The following FRS2 variants were observed in gnomAD, a reference collection of about 807,000 sequenced individuals.
FRS2 encodes the protein fibroblast growth factor receptor substrate 2.
FRS2 carries 8 observed loss-of-function variants against 43.9 expected under a neutral mutation model. That is an observed-to-expected ratio of 0.18 (90% CI 0.11 to 0.33). FRS2 has a LOEUF of 0.33. Among genes scored for constraint, FRS2 ranks in the 10% least tolerant of loss-of-function variants. The pLI, the probability that FRS2 is intolerant of heterozygous loss-of-function variation, is 1.00. For missense variants in FRS2, 534 were observed against 627.6 expected (o/e 0.85, Z 1.59); for synonymous variants, 219 against 220.3 (o/e 0.99, Z 0.05).
chr12:69,537,199 A>G (rs1349564951), intron 3 of FRS2, among the ~76,000 whole-genome samples: 2 of 152,194 alleles, frequency 1.3e-5, no homozygotes, highest in Non-Finnish European at 1.5e-5. Context: ...GTTTTGGCAT[A>G]TTCTTCTTAT....
chr12:69,557,025 G>A (rs1256346076), intron 3 of FRS2, among the ~76,000 whole-genome samples: 1 of 152,142 alleles, frequency 6.6e-6, no homozygotes, highest in Non-Finnish European at 1.5e-5. Flanking sequence ...GAACAACTTG[G>A]CATTTATTTG....
intron 1 of FRS2, among the ~76,000 whole-genome samples, chr12:69,477,760 A>G (rs1870956191): frequency 6.8e-6 from 1 of 146,744 alleles, no homozygotes; most frequent in Non-Finnish European, 1.5e-5. Flanking sequence ...TTATTTTTTG[A>G]GACAGAGTCT....
Position 69,579,468 on chromosome 12 carries a change from G to A in FRS2, c.*4513G>A, listed in dbSNP as rs987916882. On this transcript the variant is annotated 3_prime_UTR_variant, in exon 9 of 9. Transcript: ENST00000549921. The stretch of plus-strand genomic sequence containing the variant: ...AGCTAGTAATTGAATTTAGTTCAAG[G>A]GCTAAGCAACACATTTTTAAATCCT... The A allele has an allele frequency of 6.5e-6, 1 of 152,674 alleles. No individual in the cohort carries two copies. Among genetic ancestry groups the A allele is most frequent in the Non-Finnish European group, 1.5e-5 (1 of 68,008 alleles). The allele number at this position is 152,674 out of a possible 1,614,324, so 9.5% of individuals were successfully genotyped here.
intron 3 of FRS2, among the ~76,000 whole-genome samples, chr12:69,555,821 T>G (rs968507580): frequency 4.6e-5 from 7 of 152,206 alleles, no homozygotes; most frequent in African/African-American, 1.7e-4. Context: ...ACAGTTATTT[T>G]GAGTGCACTG....
At chr12:69,471,754 A>G (rs1870316723) in intron 1 of FRS2, among the ~76,000 whole-genome samples, 1 of 152,232 alleles carries the variant, frequency 6.6e-6, no homozygotes, top group Non-Finnish European at 1.5e-5. Context: ...GCAGATGGCC[A>G]CTGTTTTTGC....
At chr12:69,481,354 C>T (rs1398720774) in intron 1 of FRS2, among the ~76,000 whole-genome samples, 1 of 150,984 alleles carries the variant, frequency 6.6e-6, no homozygotes, top group Non-Finnish European at 1.5e-5. Context: ...AATCACAACT[C>T]ATTACAACCT....
chr12:69,571,889 C>CA (rs950422371), intron 7 of FRS2, among the ~76,000 whole-genome samples: 2 of 151,578 alleles, frequency 1.3e-5, no homozygotes, highest in African/African-American at 4.8e-5. Flanking sequence ...CAAAACAGAA[C>CA]AAAAAAACAC....
In FRS2 at chr12:69,574,688, T is replaced by C. The variant is rs772139122; in HGVS notation, c.1260T>C (p.Phe420=). 9 of 1,614,160 alleles carry C rather than the reference T, an allele frequency of 5.6e-6. No homozygotes were observed. The highest frequency in any genetic ancestry group is 5.9e-6 in the Non-Finnish European group (7 of 1,180,006). ...SRRRDCTPTV[F]NFDIRRPSLE... ...GTCGGGACTGTACACCAACAGTCTTTAACTTTGATATCAGACGCCCAAGTT... is the reference window on the plus strand; with the variant it reads ...GTCGGGACTGTACACCAACAGTCTTCAACTTTGATATCAGACGCCCAAGTT... The change falls in exon 9 of 9, where the codon TTT becomes TTC. Residue 420 remains phenylalanine (F), a synonymous_variant. Transcript: ENST00000549921.
intron 1 of FRS2, among the ~76,000 whole-genome samples, chr12:69,511,685 T>C (rs563212548): frequency 5.3e-5 from 8 of 152,266 alleles, no homozygotes; most frequent in South Asian, 4.2e-4. Context: ...ACTGCTCATA[T>C]CCGTGTTAGG....
intron 3 of FRS2, among the ~76,000 whole-genome samples, chr12:69,552,324 A>AAT (rs1878957993): frequency 6.6e-6 from 1 of 151,444 alleles, no homozygotes; most frequent in Non-Finnish European, 1.5e-5. Context: ...AAAAAAAAAA[A>AAT]AAATCATGTC....
At chr12:69,572,576 T>G (rs1391422669) in intron 8 of FRS2, among the ~76,000 whole-genome samples, 1 of 152,180 alleles carries the variant, frequency 6.6e-6, no homozygotes, top group African/African-American at 2.4e-5. Context: ...GTCCAATGGA[T>G]TAAGAGTTTA....
rs116513973 is a variant in FRS2 at position 69,476,046 on chromosome 12, C to T, written c.-261+5516C>T. The stretch of plus-strand genomic sequence containing the variant: ...GCTGGTCACCCTCTCCTTCCTCGTG[C>T]CCCTTTTTAAAGATTATGGTTCTGT... On this transcript the variant is annotated intron_variant, in intron 1 of 8. Coordinates refer to ENST00000549921, the MANE Select transcript of FRS2 (RefSeq NM_001278356.2). 4.8e-3 allele frequency among the ~76,000 whole-genome samples: 730 copies of T among 152,138 alleles called. 8 individuals are homozygous for T. Among genetic ancestry groups the T allele is most frequent in the African/African-American group, 0.017 (698 of 41,484 alleles).
chr12:69,500,143 G>A (rs1350522263), intron 1 of FRS2, among the ~76,000 whole-genome samples: 1 of 151,828 alleles, frequency 6.6e-6, no homozygotes, highest in African/African-American at 2.4e-5. Flanking sequence ...AAATAACAAC[G>A]AAATAATGGT....
intron 3 of FRS2, among the ~76,000 whole-genome samples, chr12:69,549,870 T>C (rs1022708431): frequency 2.0e-4 from 30 of 152,224 alleles, no homozygotes; most frequent in African/African-American, 7.2e-4. Flanking sequence ...CTCTTGGGGG[T>C]TGTCCTCTTG....
At chr12:69,565,383 T>A (rs1880205226) in intron 4 of FRS2, among the ~76,000 whole-genome samples, 1 of 152,342 alleles carries the variant, frequency 6.6e-6, no homozygotes, top group African/African-American at 2.4e-5. Flanking sequence ...TTTATAAAAC[T>A]GTACTCTTAG....
chr12:69,491,022 CCTTT>C (rs1487849964), intron 1 of FRS2, among the ~76,000 whole-genome samples: 1 of 152,138 alleles, frequency 6.6e-6, no homozygotes, highest in African/African-American at 2.4e-5. Flanking sequence ...TTTTTTCCTA[CCTTT>C]CTGTCTACTA....
At chr12:69,475,834 C>CT (rs1195146652) in intron 1 of FRS2, among the ~76,000 whole-genome samples, 1 of 152,018 alleles carries the variant, frequency 6.6e-6, no homozygotes, top group Non-Finnish European at 1.5e-5. Context: ...CAGAGTTTTC[C>CT]TTTGAGTGAA....
At chr12:69,542,295 T>C (rs1165482962) in intron 3 of FRS2, among the ~76,000 whole-genome samples, 4 of 152,238 alleles carry the variant, frequency 2.6e-5, no homozygotes, top group African/African-American at 9.6e-5. Flanking sequence ...ATGATGCCTT[T>C]GTCTTTGATT....
At chr12:69,537,683 T>C (rs1179973267) in intron 3 of FRS2, among the ~76,000 whole-genome samples, 1 of 152,198 alleles carries the variant, frequency 6.6e-6, no homozygotes, top group Non-Finnish European at 1.5e-5. Context: ...TTTTATTTTT[T>C]GTAATCCCAC....
Sources: allele counts gnomAD v4.1 joint callset (sites outside exome capture counted in the v4.1 genomes callset), GRCh38; gene constraint gnomAD v4.1.1; transcripts MANE v1.5; gene names NCBI Gene and HGNC (gene_info 2026-07-23, HGNC 2026-07-21).